The following EPHA8 variants were observed in gnomAD, a reference collection of about 807,000 sequenced individuals.
The protein encoded by EPHA8 is ephrin type-A receptor 8.
EPHA8 carries 58 observed loss-of-function variants against 103.6 expected under a neutral mutation model. The observed-to-expected ratio is 0.56, with a 90% CI of 0.45 to 0.70. EPHA8 has a LOEUF of 0.70. EPHA8 is among the 30% of genes least tolerant of loss of function. The pLI is 0.00. For missense variants in EPHA8, 1,304 were observed against 1,395.2 expected, an observed-to-expected ratio of 0.93 and a Z score of 1.04; for synonymous variants, 559 against 572.5, an observed-to-expected ratio of 0.98 and a Z score of 0.34.
At chr1:22,600,196 AGGAG>A (rs1160753574) in intron 13 of EPHA8, among the ~76,000 whole-genome samples, 4 of 102,376 alleles carry the variant, frequency 3.9e-5, no homozygotes, top group Non-Finnish European at 3.9e-5. Context: ...AGGGAAGGAA[AGGAG>A]GGAGGGAGGA....
At chr1:22,580,460 A>T (rs1641016598) in intron 3 of EPHA8, among the ~76,000 whole-genome samples, 1 of 152,048 alleles carries the variant, frequency 6.6e-6, no homozygotes, top group Non-Finnish European at 1.5e-5. Flanking sequence ...TTTCTTAAGA[A>T]ATCTCATTTC....
intron 3 of EPHA8, among the ~76,000 whole-genome samples, chr1:22,579,140 T>C (rs892794775): frequency 8.6e-5 from 13 of 151,392 alleles, no homozygotes; most frequent in African/African-American, 3.2e-4. Context: ...CATGTGTGTG[T>C]GCATATGTGC....
chr1:22,575,721 C>T (rs1031028354), intron 2 of EPHA8, among the ~76,000 whole-genome samples: 1 of 152,096 alleles, frequency 6.6e-6, no homozygotes, highest in African/African-American at 2.4e-5. Flanking sequence ...GTGGATCAGG[C>T]AATCACTCAA....
chr1:22,576,538 G>C lies in EPHA8; in HGVS notation c.481G>C (p.Val161Leu). 2 of 1,614,180 alleles carry C rather than the reference G, an allele frequency of 1.2e-6. No individual in the cohort carries two copies. Among genetic ancestry groups the C allele is most frequent in the Non-Finnish European group, 1.7e-6 (2 of 1,180,046 alleles). Reference sequence around the variant, plus strand: ...GAGCTTCACAGGTGCCGACCTTGGTGTGCGGCGTCTCAAGCTCAACACGGA... The same window carrying C: ...GAGCTTCACAGGTGCCGACCTTGGTCTGCGGCGTCTCAAGCTCAACACGGA... ...DESFTGADLGVRRLKLNTEVR... is the reference protein window; with the variant it reads ...DESFTGADLGLRRLKLNTEVR... Residue 161 changes from valine (V) to leucine (L), a missense_variant, in exon 3 of 17, where the codon GTG (valine) becomes CTG (leucine). Coordinates refer to ENST00000166244, the MANE Select transcript of EPHA8 (RefSeq NM_020526.5). This position sits in a 1 kb window ranked among gnomAD's most constrained non-coding sequence, Gnocchi z 4.8.
chr1:22,569,688 T>C lies in EPHA8; in HGVS notation c.159+335T>C, dbSNP rs953687920. Among the ~76,000 whole-genome samples the C allele has an allele frequency of 1.3e-5, 2 of 152,072 alleles. No individual in the cohort carries two copies. Among genetic ancestry groups the C allele is most frequent in the African/African-American group, 2.4e-5 (1 of 41,394 alleles). ...CAGGCCTTCCTGCCTTCTGGGTTGC[T>C]CCCTCCCTCCCAGCTGCCCTGGCCT... On this transcript the variant is annotated intron_variant, in intron 2 of 16. Transcript: ENST00000166244. The surrounding 1 kb of genome is among the most constrained non-coding windows in gnomAD (Gnocchi z 4.5).
chr1:22,601,748 G>A lies in EPHA8; in HGVS notation c.*7G>A. The A allele has an allele frequency of 2.6e-6, 4 of 1,553,392 alleles. No homozygotes were observed. Among genetic ancestry groups the A allele is most frequent in the Non-Finnish European group, 1.7e-6 (2 of 1,148,932 alleles). Reference sequence around the variant, plus strand: ...GCCCCGCCGGCACCTCTGATGTACAGCCAGCAGGGCCCAGGCAGCCACCAA... The same window carrying A: ...GCCCCGCCGGCACCTCTGATGTACAACCAGCAGGGCCCAGGCAGCCACCAA... On this transcript the variant is annotated 3_prime_UTR_variant, in exon 17 of 17. Transcript: ENST00000166244.
At position 22,600,708 on chromosome 1, in the gene EPHA8, C is replaced by G; in HGVS notation, c.2436C>G (p.Phe812Leu). Residue 812 changes from phenylalanine to leucine, a missense_variant, in exon 14 of 17, where the codon TTC (phenylalanine) becomes TTG (leucine). Transcript: ENST00000166244. ...GGACGGCCCCAGAGGCCATCGCCTTCCGCACCTTCTCCTCGGCCAGCGACG... is the reference window on the plus strand; with the variant it reads ...GGACGGCCCCAGAGGCCATCGCCTTGCGCACCTTCTCCTCGGCCAGCGACG... ...IRWTAPEAIA[F>L]RTFSSASDVW... The G allele has an allele frequency of 6.2e-7, 1 of 1,613,678 alleles. No homozygotes were observed. Among genetic ancestry groups the G allele is most frequent in the South Asian group, 1.1e-5 (1 of 91,082 alleles).
intron 1 of EPHA8, among the ~76,000 whole-genome samples, chr1:22,566,158 C>T (rs980585447): frequency 2.0e-5 from 3 of 152,232 alleles, no homozygotes; most frequent in Admixed American, 2.0e-4. Flanking sequence ...CAGGAAGGGC[C>T]CTGCACCTGC....
intron 2 of EPHA8, among the ~76,000 whole-genome samples, chr1:22,572,704 C>T (rs143809720): frequency 8.5e-5 from 13 of 152,382 alleles, no homozygotes; most frequent in African/African-American, 2.9e-4. Flanking sequence ...AAGGGATATG[C>T]CTCACCAAGC....
chr1:22,592,659 C>A (rs529989033), intron 5 of EPHA8, among the ~76,000 whole-genome samples: 1 of 152,112 alleles, frequency 6.6e-6, no homozygotes, highest in Non-Finnish European at 1.5e-5. Flanking sequence ...AGTCAGAACT[C>A]GGGGTGAGCA....
At chr1:22,591,874 G>A (rs111676777) in intron 5 of EPHA8, among the ~76,000 whole-genome samples, 2,800 of 152,218 alleles carry the variant, frequency 0.018, 90 homozygotes, top group African/African-American at 0.065. Flanking sequence ...GTGCCCTTCC[G>A]GGCCCTGCAG....
Position 22,593,512 on chromosome 1 carries a change from G to C in EPHA8, c.1441-12G>C, listed in dbSNP as rs115749606. The C allele has an allele frequency of 3.7e-6, 6 of 1,611,066 alleles. No individual in the cohort carries two copies. Among genetic ancestry groups the C allele is most frequent in the Non-Finnish European group, 5.1e-6 (6 of 1,178,826 alleles). ...AGCAGGGCAGGGCCCACTGACCACCGTCCCGTGGCAGGACAAGGAGATGCA... is the reference window on the plus strand; with the variant it reads ...AGCAGGGCAGGGCCCACTGACCACCCTCCCGTGGCAGGACAAGGAGATGCA... On this transcript the variant is annotated splice_polypyrimidine_tract_variant and intron_variant, in intron 6 of 16. Transcript: ENST00000166244.
At chr1:22,585,761 C>T (rs1056107977) in intron 3 of EPHA8, among the ~76,000 whole-genome samples, 5 of 152,288 alleles carry the variant, frequency 3.3e-5, no homozygotes, top group Admixed American at 1.3e-4. Context: ...GCCACAGTGA[C>T]GGGGACAGTG....
rs1641318176 is a variant in EPHA8, at chr1:22,589,451, G to C, written c.1315+245G>C. 1.3e-6 allele frequency: 2 copies of C among 1,489,938 alleles called. No homozygotes were observed. The highest frequency in any genetic ancestry group is 2.8e-5 in the African/African-American group (2 of 71,490). 92.3% of individuals were successfully genotyped at this position (1,489,938 alleles called of 1,614,324 possible). A position where few individuals can be genotyped will look rare whatever the true frequency, so the allele number is the denominator to read the frequency against. On this transcript the variant is annotated intron_variant, in intron 5 of 16. Transcript: ENST00000166244. This position sits in a 1 kb window ranked among gnomAD's most constrained non-coding sequence, Gnocchi z 4.3. ...AGGCAGGCTAGTGTGGCCGTCGAAA[G>C]CCTAGGTTCCAGAACTTTCCCTCTC...
intron 3 of EPHA8, among the ~76,000 whole-genome samples, chr1:22,579,011 G>T (rs1336116968): frequency 6.8e-6 from 1 of 145,988 alleles, no homozygotes; most frequent in Non-Finnish European, 1.5e-5. Context: ...ATGCATGTGT[G>T]TGCATATGTG....
At chr1:22,566,229 A>G (rs1182040491) in intron 1 of EPHA8, among the ~76,000 whole-genome samples, 3 of 152,136 alleles carry the variant, frequency 2.0e-5, no homozygotes, top group Non-Finnish European at 2.9e-5. Context: ...GGTGTGGCTT[A>G]TCCTCCACTT....
Position 22,593,359 on chromosome 1 carries a change from G to A in EPHA8, c.1349G>A (p.Arg450Gln), listed in dbSNP as rs374661974. 100 of 1,583,828 alleles carry A rather than the reference G, an allele frequency of 6.3e-5. No individual in the cohort carries two copies. The highest frequency in any genetic ancestry group is 1.9e-4 in the African/African-American group (14 of 74,636). ...PSQVVVIRQERAGQTSVSLLW... is the reference protein window; with the variant it reads ...PSQVVVIRQEQAGQTSVSLLW... ...CAGGTGGTGGTGATCCGTCAAGAGC[G>A]GGCGGGGCAGACCAGCGTCTCGCTG... The change falls in exon 6 of 17, where the codon CGG becomes CAG. Residue 450 changes from arginine (R) to glutamine (Q), a missense_variant. Transcript: ENST00000166244.
chr1:22,579,023 A>G (rs1640935207), intron 3 of EPHA8, among the ~76,000 whole-genome samples: 1 of 140,156 alleles, frequency 7.1e-6, no homozygotes, highest in South Asian at 2.4e-4. Flanking sequence ...GCATATGTGC[A>G]AGAGTATGTA....
intron 2 of EPHA8, among the ~76,000 whole-genome samples, chr1:22,570,322 GCA>G (rs1253129045): frequency 5.3e-5 from 6 of 113,938 alleles, no homozygotes; most frequent in South Asian, 3.2e-4. Context: ...GTACACACAT[GCA>G]CACACGCACA....
Sources: allele counts gnomAD v4.1 joint callset (sites outside exome capture counted in the v4.1 genomes callset), GRCh38; gene constraint gnomAD v4.1.1; non-coding constraint Gnocchi (gnomAD v3.1); transcripts MANE v1.5; gene names NCBI Gene and HGNC (gene_info 2026-07-23, HGNC 2026-07-21).